The following RALGAPA1 variants were observed in gnomAD, a reference collection of about 807,000 sequenced individuals.
The protein encoded by RALGAPA1 is Ral GTPase activating protein catalytic subunit alpha 1.
RALGAPA1 carries 52 observed loss-of-function variants against 269.6 expected under a neutral mutation model. The ratio of observed to expected loss-of-function variants is 0.19; its 90% CI spans 0.15 to 0.24. The LOEUF (loss-of-function observed/expected upper bound fraction) is 0.24, where lower values mean the gene tolerates loss of function less well. Ranked by LOEUF, RALGAPA1 falls within the 10% of genes least tolerant of loss-of-function variation. RALGAPA1 has a pLI of 1.00. For synonymous variants in RALGAPA1, 817 were observed against 1,008.3 expected (o/e 0.81, Z 3.60); for missense variants, 1,917 against 3,013.9 (o/e 0.64, Z 8.52).
At chr14:35,604,967 A>T (rs2059505916) in intron 36 of RALGAPA1, among the ~76,000 whole-genome samples, 1 of 152,164 alleles carries the variant, frequency 6.6e-6, no homozygotes. Flanking sequence ...GATTTGGTAC[A>T]GGAACCTTGA....
chr14:35,734,780 A>G (rs1340574559), intron 12 of RALGAPA1, among the ~76,000 whole-genome samples: 1 of 152,192 alleles, frequency 6.6e-6, no homozygotes, highest in African/African-American at 2.4e-5. Context: ...AGAGTAGGGG[A>G]AAATCTTCAC....
chr14:35,622,459 C>T (rs1396001575), intron 35 of RALGAPA1, among the ~76,000 whole-genome samples: 3 of 152,118 alleles, frequency 2.0e-5, no homozygotes, highest in African/African-American at 4.8e-5. Flanking sequence ...CACATGTATA[C>T]GTATGTAACA....
At chr14:35,555,368 A>G in intron 39 of RALGAPA1, among the ~76,000 whole-genome samples, 1 of 152,156 alleles carries the variant, frequency 6.6e-6, no homozygotes, top group East Asian at 1.9e-4. Context: ...AACTAATTCT[A>G]TTTGCTTAAG....
chr14:35,748,597 C>G lies in RALGAPA1; in HGVS notation c.1239G>C (p.Glu413Asp). The change falls in exon 10 of 42, where the codon GAG becomes GAC. Residue 413 changes from glutamate to aspartate, a missense_variant. This residue lies in a region of RALGAPA1 where 462 missense variants were observed against 725.6 expected (regional missense o/e 0.64). Transcript: ENST00000680220. ...AGAGGTATGTTACCTGACGAAATAT[C>G]TCTGTCACAAAGTTTACATTACTCC... ...SKRSNVNFVTEIFRQAFLLPI... is the reference protein window; with the variant it reads ...SKRSNVNFVTDIFRQAFLLPI... 6.2e-7 allele frequency: 1 copy of G among 1,606,784 alleles called. No homozygotes were observed. The highest frequency in any genetic ancestry group is 2.2e-5 in the East Asian group (1 of 44,650).
intron 39 of RALGAPA1, among the ~76,000 whole-genome samples, chr14:35,554,244 T>A (rs1034450629): frequency 6.6e-6 from 1 of 151,678 alleles, no homozygotes. Context: ...AGTTTCCACA[T>A]CATACATCTT....
chr14:35,545,409 T>TAGTC (rs2054366301), intron 41 of RALGAPA1, among the ~76,000 whole-genome samples: 1 of 152,068 alleles, frequency 6.6e-6, no homozygotes, highest in East Asian at 1.9e-4. Context: ...TAGGTTTTCA[T>TAGTC]AGTCACTCTT....
At chr14:35,683,674 T>G in intron 21 of RALGAPA1, 135 bp downstream of exon 21, 1 of 675,432 alleles carries the variant, frequency 1.5e-6, no homozygotes, top group Non-Finnish European at 2.4e-6. Flanking sequence ...CTCCCCTTCA[T>G]TGTTACATAA....
intron 1 of RALGAPA1, among the ~76,000 whole-genome samples, chr14:35,776,869 T>TA (rs1045654234): frequency 5.3e-5 from 8 of 151,658 alleles, no homozygotes; most frequent in African/African-American, 1.9e-4. Flanking sequence ...TAGAGTATAA[T>TA]AAAAATTTTT....
At chr14:35,786,096 G>T (rs1451714843) in intron 1 of RALGAPA1, among the ~76,000 whole-genome samples, 1 of 152,136 alleles carries the variant, frequency 6.6e-6, no homozygotes, top group Admixed American at 6.5e-5. Context: ...GGCAGAGGTT[G>T]CAGTGAGCCG....
intron 16 of RALGAPA1, chr14:35,716,277 C>T (rs1477637920): frequency 6.2e-6 from 1 of 160,208 alleles, no homozygotes; most frequent in African/African-American, 2.4e-5. Flanking sequence ...CCTATAGTCC[C>T]AGCTACTCTA....
chr14:35,722,677 T>A (rs1298317692), intron 15 of RALGAPA1, among the ~76,000 whole-genome samples: 21 of 151,950 alleles, frequency 1.4e-4, no homozygotes, highest in Admixed American at 1.4e-3. Flanking sequence ...AATGATATAA[T>A]CATTAGGCTA....
At chr14:35,710,388 T>C (rs1257367325) in intron 16 of RALGAPA1, among the ~76,000 whole-genome samples, 1 of 152,188 alleles carries the variant, frequency 6.6e-6, no homozygotes, top group Non-Finnish European at 1.5e-5. Context: ...CCCAAGTAGC[T>C]GGGACAACGG....
At chr14:35,657,696 T>A (rs1185688175) in intron 28 of RALGAPA1, among the ~76,000 whole-genome samples, 5 of 150,810 alleles carry the variant, frequency 3.3e-5, no homozygotes, top group African/African-American at 9.7e-5. Context: ...TATATTTTTT[T>A]TTTTTTTTGG....
intron 1 of RALGAPA1, among the ~76,000 whole-genome samples, chr14:35,792,119 A>T (rs911191418): frequency 6.6e-6 from 1 of 152,066 alleles, no homozygotes; most frequent in Non-Finnish European, 1.5e-5. Flanking sequence ...CACATAGGCA[A>T]AGGAAAGCCA....
At chr14:35,717,605 G>T (rs773548163) in intron 16 of RALGAPA1, among the ~76,000 whole-genome samples, 2 of 151,840 alleles carry the variant, frequency 1.3e-5, no homozygotes, top group Non-Finnish European at 2.9e-5. Flanking sequence ...TCTGCCTAGT[G>T]CAGTGGTACA....
chr14:35,541,040 A>ATTGTTT (rs2053923762), intron 41 of RALGAPA1, among the ~76,000 whole-genome samples: 1 of 89,164 alleles, frequency 1.1e-5, no homozygotes, highest in African/African-American at 5.6e-5. Flanking sequence ...GAACACTTCA[A>ATTGTTT]TTTTTTTTTT....
chr14:35,807,854 C>T (rs921880230), intron 1 of RALGAPA1: 2 of 152,252 alleles, frequency 1.3e-5, no homozygotes, highest in African/African-American at 4.8e-5. Context: ...AGGATTCAGG[C>T]ATCTGGATGA....
At chr14:35,656,063 G>T in intron 28 of RALGAPA1, 148 bp from the exon 29 acceptor site, 1 of 1,428,468 alleles carries the variant, frequency 7.0e-7, no homozygotes. Flanking sequence ...AACCAAAGAA[G>T]AGAAAGTATG....
At chr14:35,558,003 C>A (rs1322976069) in intron 39 of RALGAPA1, among the ~76,000 whole-genome samples, 2 of 151,800 alleles carry the variant, frequency 1.3e-5, no homozygotes, top group Non-Finnish European at 2.9e-5. Context: ...ATCATTGTTT[C>A]TTTGCAACAA....
Sources: gnomAD v4.1 joint callset for allele counts (sites outside exome capture counted in the v4.1 genomes callset) on GRCh38, gnomAD v4.1.1 for gene constraint, gnomAD v4.1.1 regional missense constraint, MANE v1.5 for transcripts, NCBI Gene and HGNC (gene_info 2026-07-23, HGNC 2026-07-21) for gene names.